Variants in SCLT1 observed in about 807,000 individuals in gnomAD.
The protein encoded by SCLT1 is sodium channel and clathrin linker 1.
SCLT1 carries 78 observed loss-of-function variants against 112.8 expected under a neutral mutation model. The observed-to-expected ratio is 0.69, with a 90% CI of 0.58 to 0.83. The LOEUF (loss-of-function observed/expected upper bound fraction) is 0.83. Ranked by LOEUF, SCLT1 falls within the 40% of genes least tolerant of loss-of-function variation. The pLI is 0.00. For synonymous variants in SCLT1, 257 were observed against 254.7 expected (o/e 1.01, Z -0.09); for missense variants, 747 against 770.4 (o/e 0.97, Z 0.36).
chr4:129,067,535 G>C lies in SCLT1; in HGVS notation c.102+14771C>G, dbSNP rs182355679. Among the ~76,000 whole-genome samples the C allele has an allele frequency of 4.6e-5, 7 of 152,136 alleles. No individual in the cohort carries two copies. The East Asian group carries it at 1.4e-3, about 29-fold the overall frequency. Reference sequence around the variant, plus strand: ...GAAGTTTTATTTGTTTTTTGAGATAGAGTCTGGCTCTGTCACTCACGCTGG... The same window carrying C: ...GAAGTTTTATTTGTTTTTTGAGATACAGTCTGGCTCTGTCACTCACGCTGG... On this transcript the variant is annotated intron_variant, in intron 2 of 20. Coordinates refer to ENST00000281142, the MANE Select transcript of SCLT1 (RefSeq NM_144643.4).
At chr4:128,971,530 C>T (rs1740689032) in intron 9 of SCLT1, 1 of 152,108 alleles carries the variant, frequency 6.6e-6, no homozygotes, top group South Asian at 2.1e-4. Flanking sequence ...ATTAATACTA[C>T]TATTATATCA....
At chr4:128,931,950 T>C (rs865993220) in intron 18 of SCLT1, among the ~76,000 whole-genome samples, 386 of 15,386 alleles carry the variant, frequency 0.025, no homozygotes, top group Middle Eastern at 0.088. Context: ...TTCTATCCCT[T>C]TTTTTTTTTT....
intron 11 of SCLT1, among the ~76,000 whole-genome samples, chr4:128,964,164 A>C (rs565572695): frequency 5.9e-5 from 9 of 152,224 alleles, no homozygotes; most frequent in Non-Finnish European, 7.3e-5. Context: ...GTTTGCAACT[A>C]TGATGGTATT....
chr4:128,933,101 C>T (rs1265055335), intron 18 of SCLT1, among the ~76,000 whole-genome samples: 1 of 151,942 alleles, frequency 6.6e-6, no homozygotes, highest in Non-Finnish European at 1.5e-5. Context: ...AAAGATGATC[C>T]AAAAATTTGT....
chr4:128,948,353 AAAAAAAG>A, intron 15 of SCLT1, 136 bp downstream of exon 15: 1 of 1,034,408 alleles, frequency 9.7e-7, no homozygotes, highest in Non-Finnish European at 1.3e-6. Flanking sequence ...AAAAAAAAAA[AAAAAAAG>A]AAAAGAAAAG....
chr4:128,892,468 C>A (rs1029373476), intron 18 of SCLT1, among the ~76,000 whole-genome samples: 1 of 152,130 alleles, frequency 6.6e-6, no homozygotes, highest in Non-Finnish European at 1.5e-5. Flanking sequence ...CTTACTTGTG[C>A]TTCTTAAATC....
chr4:128,928,834 C>CA (rs34182741), intron 18 of SCLT1, among the ~76,000 whole-genome samples: 30 of 146,758 alleles, frequency 2.0e-4, no homozygotes, highest in South Asian at 6.5e-4. Context: ...CTCCGTCTCG[C>CA]AAAAAAAAAA....
chr4:128,939,990 G>A (rs554034053), intron 17 of SCLT1, among the ~76,000 whole-genome samples: 68 of 152,070 alleles, frequency 4.5e-4, no homozygotes, highest in African/African-American at 1.5e-3. Flanking sequence ...TAAGACGTTC[G>A]GCTCTTTATC....
chr4:128,975,282 G>C (rs777250508), intron 9 of SCLT1, among the ~76,000 whole-genome samples: 2 of 151,806 alleles, frequency 1.3e-5, no homozygotes, highest in African/African-American at 4.8e-5. Flanking sequence ...CTCATGGTCC[G>C]CCTGCCTCGG....
At chr4:128,968,978 T>G (rs1489654347) in intron 10 of SCLT1, among the ~76,000 whole-genome samples, 1 of 152,250 alleles carries the variant, frequency 6.6e-6, no homozygotes, top group African/African-American at 2.4e-5. Flanking sequence ...CTTTGTCCTC[T>G]GATACTTCAA....
chr4:128,978,621 GAGA>G (rs1365837570), intron 9 of SCLT1, among the ~76,000 whole-genome samples: 1 of 152,016 alleles, frequency 6.6e-6, no homozygotes, highest in Non-Finnish European at 1.5e-5. Flanking sequence ...AATTCTTGAG[GAGA>G]AGAATAGATG....
At chr4:128,936,559 T>C (rs1253623366) in intron 18 of SCLT1, 96 bp downstream of exon 18, 2 of 660,230 alleles carry the variant, frequency 3.0e-6, no homozygotes, top group Non-Finnish European at 4.9e-6. Context: ...GGTCCAGAAT[T>C]ATACATTTTT....
At chr4:128,981,101 G>A (rs12512345) in intron 9 of SCLT1, among the ~76,000 whole-genome samples, 41,261 of 152,026 alleles carry the variant, frequency 0.27, 5,990 homozygotes, top group South Asian at 0.35. Context: ...CATAATCCAC[G>A]CCTTCCAGGG....
chr4:128,973,524 G>GAGAGAGAA (rs1740885959), intron 9 of SCLT1, among the ~76,000 whole-genome samples: 1 of 151,364 alleles, frequency 6.6e-6, no homozygotes, highest in East Asian at 1.9e-4. Flanking sequence ...AAGAGAGGGA[G>GAGAGAGAA]AGAGAGAAAG....
intron 17 of SCLT1, 29 bp from the exon 18 acceptor site, chr4:128,936,880 TTTTTC>T: frequency 8.1e-7 from 1 of 1,235,666 alleles, no homozygotes; most frequent in Non-Finnish European, 1.1e-6. Context: ...ACGTATTTTC[TTTTTC>T]TTTTCTTATA....
Position 129,027,348 on chromosome 4 carries a change from C to T in SCLT1, c.290+11693G>A, listed in dbSNP as rs573212954. On this transcript the variant is annotated intron_variant, in intron 5 of 20. Transcript: ENST00000281142. ...TCCAGCAGCACATCAAAAAGCTTAT[C>T]CACCATGATCAAGTGGGCTTCATCC... 4.8e-3 allele frequency among the ~76,000 whole-genome samples: 731 copies of T among 152,304 alleles called. 4 individuals are homozygous for T. The highest frequency in any genetic ancestry group is 0.016 in the African/African-American group (664 of 41,556).
At chr4:129,062,670 C>G (rs1750094870) in intron 2 of SCLT1, among the ~76,000 whole-genome samples, 1 of 151,970 alleles carries the variant, frequency 6.6e-6, no homozygotes, top group African/African-American at 2.4e-5. Context: ...GTAAAGCATT[C>G]TTGGTTGACT....
rs184227809 is a variant in SCLT1 at position 128,901,518 on chromosome 4, T to C, written c.1830-10381A>G. On this transcript the variant is annotated intron_variant, in intron 18 of 20. Transcript: ENST00000281142. The stretch of plus-strand genomic sequence containing the variant: ...GGGGAACATCACACACCAGGGCCTA[T>C]TGTGGGGTGGTGGGGGGGGGGAGGG... 2.5e-3 allele frequency among the ~76,000 whole-genome samples: 177 copies of C among 71,230 alleles called. 1 individual carries two copies. The highest frequency in any genetic ancestry group is 0.017 in the African/African-American group (173 of 10,298). The allele number at this position is 71,230 out of a possible 152,430, so 46.7% of individuals were successfully genotyped here.
chr4:128,873,281 GA>G (rs1281020527), intron 5 of SCLT1: 1,117 of 105,654 alleles, frequency 0.011, 9 homozygotes, highest in Non-Finnish European at 0.016. Context: ...AAGAAAAAAA[GA>G]AAAAAAAAAG....
Sources: gnomAD v4.1 joint callset for allele counts (sites outside exome capture counted in the v4.1 genomes callset) on GRCh38, gnomAD v4.1.1 for gene constraint, MANE v1.5 for transcripts, NCBI Gene and HGNC (gene_info 2026-07-23, HGNC 2026-07-21) for gene names.